The following PREX2 variants were observed in gnomAD, a reference collection of about 807,000 sequenced individuals.
The protein encoded by PREX2 is phosphatidylinositol 3,4,5-trisphosphate-dependent Rac exchanger 2 protein.
Under a neutral mutation model 203.2 loss-of-function variants are expected in PREX2, and 107 were observed. The observed-to-expected ratio is 0.53, with a 90% confidence interval of 0.45 to 0.62. The LOEUF (loss-of-function observed/expected upper bound fraction) is 0.62, where lower values mean the gene tolerates loss of function less well. Ranked by LOEUF, PREX2 falls within the 20% of genes least tolerant of loss-of-function variation. PREX2 has a pLI of 0.00. For synonymous variants in PREX2, 672 were observed against 663.6 expected, an observed-to-expected ratio of 1.01 and a Z score of -0.19; for missense variants, 1,777 against 1,955.9, an observed-to-expected ratio of 0.91 and a Z score of 1.72.
chr8:68,064,058 C>T (rs969314192), intron 11 of PREX2, among the ~76,000 whole-genome samples: 1 of 152,162 alleles, frequency 6.6e-6, no homozygotes, highest in African/African-American at 2.4e-5. Context: ...CTTGCTATAG[C>T]AGGAACTCTA....
intron 38 of PREX2, among the ~76,000 whole-genome samples, chr8:68,221,972 ACTGT>A (rs1812963018): frequency 1.3e-5 from 2 of 152,180 alleles, no homozygotes; most frequent in Non-Finnish European, 2.9e-5. Context: ...CTGATTTCTC[ACTGT>A]CTGAGAAAAA....
chr8:68,039,956 A>G (rs1808146346), intron 7 of PREX2, among the ~76,000 whole-genome samples: 1 of 152,164 alleles, frequency 6.6e-6, no homozygotes, highest in Non-Finnish European at 1.5e-5. Context: ...CACCTTTTAT[A>G]AAACAAATCA....
At chr8:68,024,718 C>A (rs1807666107) in intron 4 of PREX2, among the ~76,000 whole-genome samples, 1 of 151,702 alleles carries the variant, frequency 6.6e-6, no homozygotes, top group Non-Finnish European at 1.5e-5. Context: ...TTTCTCTGTT[C>A]CTGTTTTACC....
At chr8:68,078,605 C>G (rs1585765458) in intron 15 of PREX2, among the ~76,000 whole-genome samples, 1 of 152,094 alleles carries the variant, frequency 6.6e-6, no homozygotes, top group Admixed American at 6.6e-5. Flanking sequence ...TGAGAAGGTC[C>G]TTGGTTATCA....
intron 37 of PREX2, among the ~76,000 whole-genome samples, chr8:68,194,964 T>G (rs1409149462): frequency 6.6e-6 from 1 of 152,164 alleles, no homozygotes; most frequent in Non-Finnish European, 1.5e-5. Flanking sequence ...ATCATTGCCT[T>G]GAGTATTTGT....
rs528671209 is a variant in PREX2 at position 68,050,062 on chromosome 8, G to GTATA, written c.944-3025_944-3022dup. On this transcript the variant is annotated intron_variant, in intron 8 of 39. Transcript: ENST00000288368. ...TGTATATGTGTGTTTATGTATGTGT[G>GTATA]TATATATATATATGTTTATAATTAC... 1.4e-3 allele frequency among the ~76,000 whole-genome samples: 219 copies of GTATA among 151,290 alleles called. 1 individual carries two copies. Among genetic ancestry groups the GTATA allele is most frequent in the African/African-American group, 5.1e-3 (209 of 41,292 alleles).
chr8:68,193,078 C>T (rs1413732319), intron 37 of PREX2, among the ~76,000 whole-genome samples: 1 of 152,156 alleles, frequency 6.6e-6, no homozygotes, highest in African/African-American at 2.4e-5. Flanking sequence ...CAACTGTGGT[C>T]TGTCTGAGGC....
chr8:68,116,027 T>G, intron 26 of PREX2, 95 bp downstream of exon 26: 1 of 1,061,834 alleles, frequency 9.4e-7, no homozygotes. Context: ...TTGATTGTTT[T>G]TCTTTTAATT....
chr8:68,138,514 G>T lies in PREX2; in HGVS notation c.4084G>T (p.Ala1362Ser). The change falls in exon 33 of 40, where the codon GCA becomes TCA. Residue 1362 changes from alanine to serine, a missense_variant. Transcript: ENST00000288368. ...FKPSEEEPLV[A>S]NVPLTYQAEG... ...ACCATCAGAAGAGGAACCTCTGGTTGCAAGTAAGTAATTAGGTATTTACAA... is the reference window on the plus strand; with the variant it reads ...ACCATCAGAAGAGGAACCTCTGGTTTCAAGTAAGTAATTAGGTATTTACAA... The T allele has an allele frequency of 1.3e-6, 2 of 1,540,680 alleles. No individual in the cohort carries two copies. Among genetic ancestry groups the T allele is most frequent in the South Asian group, 1.2e-5 (1 of 84,714 alleles).
chr8:68,208,111 C>T (rs1812672427), intron 37 of PREX2, among the ~76,000 whole-genome samples: 1 of 151,940 alleles, frequency 6.6e-6, no homozygotes. Context: ...TGGAAAGAGG[C>T]CAGACAGGAA....
intron 22 of PREX2, 48 bp from the exon 23 acceptor site, chr8:68,099,634 G>A: frequency 1.9e-6 from 3 of 1,558,588 alleles, no homozygotes; most frequent in South Asian, 1.1e-5. Context: ...GTGTGTGTCT[G>A]TATGTGTGTT....
At chr8:68,122,038 G>A (rs1810784654) in intron 30 of PREX2, among the ~76,000 whole-genome samples, 1 of 152,104 alleles carries the variant, frequency 6.6e-6, no homozygotes, top group Non-Finnish European at 1.5e-5. Flanking sequence ...ATTACCTTAA[G>A]TGGGGTAAAT....
At chr8:68,111,419 A>G (rs1585802532) in intron 25 of PREX2, among the ~76,000 whole-genome samples, 1 of 152,062 alleles carries the variant, frequency 6.6e-6, no homozygotes, top group Non-Finnish European at 1.5e-5. Context: ...GGTTCAGGTA[A>G]TGTAGAAATA....
chr8:68,120,713 C>T (rs1166164563), intron 29 of PREX2, among the ~76,000 whole-genome samples: 2 of 152,076 alleles, frequency 1.3e-5, no homozygotes, highest in Non-Finnish European at 2.9e-5. Context: ...GAGTTTTCAT[C>T]TAAATTTGCT....
At chr8:68,046,746 A>G (rs547764960) in intron 8 of PREX2, among the ~76,000 whole-genome samples, 1 of 152,116 alleles carries the variant, frequency 6.6e-6, no homozygotes, top group East Asian at 1.9e-4. Context: ...TTTTTCTTGA[A>G]TGTATATAAG....
chr8:68,217,179 A>G (rs1446748462), intron 37 of PREX2, among the ~76,000 whole-genome samples: 1 of 152,216 alleles, frequency 6.6e-6, no homozygotes. Context: ...TGACCTCAGT[A>G]AATAGTAATT....
At chr8:68,030,682 C>T (rs759831560) in intron 6 of PREX2, 24 bp downstream of exon 6, 13 of 1,611,484 alleles carry the variant, frequency 8.1e-6, no homozygotes, top group Middle Eastern at 1.6e-4. Flanking sequence ...GCTTGACAAT[C>T]GAGCTTAAGA....
At chr8:68,003,994 G>A (rs1468092660) in intron 1 of PREX2, among the ~76,000 whole-genome samples, 2 of 151,986 alleles carry the variant, frequency 1.3e-5, no homozygotes, top group African/African-American at 4.8e-5. Context: ...GACTACAGGC[G>A]TGTGGCACGT....
chr8:68,225,714 T>G (rs1813045084), intron 39 of PREX2, among the ~76,000 whole-genome samples: 1 of 152,224 alleles, frequency 6.6e-6, no homozygotes, highest in Non-Finnish European at 1.5e-5. Flanking sequence ...TGCTGACTCC[T>G]AACTCTATTT....
Sources: allele counts gnomAD v4.1 joint callset (sites outside exome capture counted in the v4.1 genomes callset), GRCh38; gene constraint gnomAD v4.1.1; transcripts MANE v1.5; gene names NCBI Gene and HGNC (gene_info 2026-07-23, HGNC 2026-07-21).